ACSM1: variants seen among roughly 807,000 people sequenced by gnomAD.
ACSM1 encodes acyl-CoA synthetase medium chain family member 1, also known as acyl-coenzyme A synthetase ACSM1, mitochondrial.
ACSM1 carries 79 observed loss-of-function variants against 75.8 expected under a neutral mutation model. The observed-to-expected ratio is 1.04, with a 90% CI of 0.87 to 1.26. The LOEUF is 1.26. ACSM1 is among the 50% of genes most tolerant of loss of function. The pLI is 0.00. For synonymous variants in ACSM1, 279 were observed against 265.8 expected, an observed-to-expected ratio of 1.05 and a Z score of -0.48; for missense variants, 676 against 720.1, an observed-to-expected ratio of 0.94 and a Z score of 0.70.
rs115812826 is a variant in ACSM1, at chr16:20,696,976, G to A, written c.-52+660C>T. ...TTCCCAGCTCCCCATAAGGATTAGT[G>A]TGATAATTTACTTGCTGGCACTGAA... On this transcript the variant is annotated intron_variant, in intron 1 of 13. Coordinates refer to ENST00000520010, the MANE Select transcript of ACSM1 (RefSeq NM_001318890.3). Among the ~76,000 whole-genome samples, 554 of 152,296 alleles carry A rather than the reference G, an allele frequency of 3.6e-3. 3 individuals carry two copies. The highest frequency in any genetic ancestry group is 0.012 in the African/African-American group (511 of 41,550).
intron 4 of ACSM1, among the ~76,000 whole-genome samples, chr16:20,678,867 C>A (rs1420046946): frequency 6.6e-6 from 1 of 152,134 alleles, no homozygotes; most frequent in African/African-American, 2.4e-5. Context: ...GTCAGGTGCA[C>A]CTCCACCAAG....
chr16:20,671,359 C>G (rs943899393), intron 5 of ACSM1, among the ~76,000 whole-genome samples, 172 bp downstream of exon 5: 3 of 151,932 alleles, frequency 2.0e-5, no homozygotes, highest in Non-Finnish European at 4.4e-5. Flanking sequence ...CTTCACCTCT[C>G]AGACCCTGAG....
rs2017078153 is a variant in ACSM1 at position 20,627,896 on chromosome 16, A to ACCC, written c.1300-581_1300-580insGGG. 9.0e-5 allele frequency among the ~76,000 whole-genome samples: 10 copies of ACCC among 111,500 alleles called. 1 individual carries two copies. Among genetic ancestry groups the ACCC allele is most frequent in the Non-Finnish European group, 5.1e-5 (3 of 59,064 alleles). 73.1% of individuals were successfully genotyped at this position (111,500 alleles called of 152,430 possible). ...TATATATATATATATATATATATAT[A>ACCC]TATATATATATATATATATATATAT... is the stretch of plus-strand genomic sequence containing the variant. On this transcript the variant is annotated intron_variant, in intron 10 of 13. Coordinates refer to ENST00000520010, the MANE Select transcript of ACSM1 (RefSeq NM_001318890.3).
At chr16:20,671,118 A>G (rs1041560911) in intron 5 of ACSM1, among the ~76,000 whole-genome samples, 4 of 152,120 alleles carry the variant, frequency 2.6e-5, no homozygotes, top group Non-Finnish European at 4.4e-5. Flanking sequence ...TTTGCCCATA[A>G]TAGGGGAGAG....
chr16:20,653,239 T>C (rs2018751644), intron 7 of ACSM1, among the ~76,000 whole-genome samples: 1 of 152,180 alleles, frequency 6.6e-6, no homozygotes, highest in African/African-American at 2.4e-5. Context: ...AATTAGGTAT[T>C]GATGGGACAT....
intron 12 of ACSM1, 81 bp downstream of exon 12, chr16:20,625,342 C>T: frequency 1.4e-6 from 2 of 1,389,078 alleles, no homozygotes; most frequent in Non-Finnish European, 2.0e-6. Flanking sequence ...CAAGGCTGCA[C>T]AGGTAAAGCC....
chr16:20,643,177 G>T (rs1007573286), intron 7 of ACSM1, among the ~76,000 whole-genome samples: 2 of 152,202 alleles, frequency 1.3e-5, no homozygotes, highest in Admixed American at 6.5e-5. Context: ...GTTGGGGGTT[G>T]TTAGAGAGCC....
At chr16:20,664,262 A>G (rs1190329950) in intron 6 of ACSM1, among the ~76,000 whole-genome samples, 2 of 151,932 alleles carry the variant, frequency 1.3e-5, no homozygotes. Context: ...CATGAGACCC[A>G]TCTCACAAGT....
chr16:20,690,410 C>G (rs1365038880), intron 2 of ACSM1, among the ~76,000 whole-genome samples: 1 of 152,178 alleles, frequency 6.6e-6, no homozygotes, highest in African/African-American at 2.4e-5. Context: ...AAACACATAA[C>G]CTCTGGAAGA....
At chr16:20,686,999 TC>T (rs1349006744) in intron 2 of ACSM1, among the ~76,000 whole-genome samples, 1 of 142,612 alleles carries the variant, frequency 7.0e-6, no homozygotes, top group African/African-American at 2.6e-5. Context: ...TTTTTTTTGG[TC>T]ACCATTGCCC....
intron 7 of ACSM1, among the ~76,000 whole-genome samples, chr16:20,652,149 T>C (rs2018681150): frequency 6.6e-6 from 1 of 152,110 alleles, no homozygotes; most frequent in Non-Finnish European, 1.5e-5. Flanking sequence ...ACTTAAAATA[T>C]TGGCTATCAA....
rs138834355 is a variant in ACSM1 at position 20,691,101 on chromosome 16, G to A, written c.88C>T (p.Arg30Trp). 2.5e-4 allele frequency: 400 copies of A among 1,613,698 alleles called. 6 individuals carry two copies. In the East Asian group the frequency reaches 2.9e-3, roughly 12 times the overall value. Residue 30 changes from arginine to tryptophan, a missense_variant, in exon 2 of 14, where the codon CGG becomes TGG. By Grantham distance (101) the Arg-to-Trp change is moderately radical. Coordinates refer to ENST00000520010, the MANE Select transcript of ACSM1 (RefSeq NM_001318890.3). ...IHPAPSQLRC[R>W]SLSEFGAPRW... is the part of the protein sequence containing the mutation. ...GGGGCTCCAAATTCTGATAAAGACC[G>A]GCAGCGCAGCTGTGAAGGGGCAGGG...
chr16:20,696,796 C>T (rs1458884035), intron 1 of ACSM1, among the ~76,000 whole-genome samples: 2 of 152,176 alleles, frequency 1.3e-5, no homozygotes, highest in African/African-American at 4.8e-5. Context: ...GGACTTGGGA[C>T]TGATAAAGCT....
chr16:20,663,257 C>T (rs906049319), intron 6 of ACSM1, among the ~76,000 whole-genome samples: 7 of 152,250 alleles, frequency 4.6e-5, no homozygotes, highest in South Asian at 4.1e-4. Flanking sequence ...AAAGAAAATG[C>T]TAAACCGTCA....
At chr16:20,639,466 G>C (rs1245882231) in intron 8 of ACSM1, among the ~76,000 whole-genome samples, 1 of 152,160 alleles carries the variant, frequency 6.6e-6, no homozygotes, top group Non-Finnish European at 1.5e-5. Flanking sequence ...GGACTTCCTG[G>C]AGGAGGTGGT....
At chr16:20,682,894 T>C (rs1347413075) in intron 3 of ACSM1, among the ~76,000 whole-genome samples, 1 of 152,100 alleles carries the variant, frequency 6.6e-6, no homozygotes, top group Non-Finnish European at 1.5e-5. Flanking sequence ...TCATCTTGAA[T>C]GTCCCCTCTT....
chr16:20,640,707 G>A lies in ACSM1; in HGVS notation c.993-123C>T. The A allele has an allele frequency of 4.0e-6, 6 of 1,481,836 alleles. No individual in the cohort carries two copies. The South Asian group carries it at 4.1e-5, about 10-fold the overall frequency. The allele number at this position is 1,481,836 out of a possible 1,614,324, so 91.8% of individuals were successfully genotyped here. A position where few individuals can be genotyped will look rare whatever the true frequency, so the allele number is the denominator to read the frequency against. ...TCCTCACTTTCTTATTTACTTTTTG[G>A]TCATTTTACAGTTGGCCATGGCCAA... On this transcript the variant is annotated intron_variant, in intron 7 of 13. Transcript: ENST00000520010.
In ACSM1 at chr16:20,650,382, C is replaced by T. The variant is rs190644350; in HGVS notation, c.993-9798G>A. ...GGTGCCCCTGGGTGATCAGGGGACT[C>T]GTGGGAGTGTCTGGGAGCTTGACCC... On this transcript the variant is annotated intron_variant, in intron 7 of 13. Transcript: ENST00000520010. Among the ~76,000 whole-genome samples, 603 of 152,184 alleles carry T rather than the reference C, an allele frequency of 4.0e-3. 3 individuals are homozygous for T. The highest frequency in any genetic ancestry group is 5.6e-3 in the Non-Finnish European group (382 of 68,000).
chr16:20,665,113 A>G (rs188711802), intron 6 of ACSM1, among the ~76,000 whole-genome samples: 7 of 152,244 alleles, frequency 4.6e-5, no homozygotes, highest in Admixed American at 4.6e-4. Flanking sequence ...CAACCAACAA[A>G]CACCAAAGCT....
Sources: gnomAD v4.1 joint callset for allele counts (sites outside exome capture counted in the v4.1 genomes callset) on GRCh38, gnomAD v4.1.1 for gene constraint, MANE v1.5 for transcripts, NCBI Gene and HGNC (gene_info 2026-07-23, HGNC 2026-07-21) for gene names.